Variants in CPAMD8 observed in about 807,000 individuals in gnomAD.
The protein encoded by CPAMD8 is C3 and PZP-like alpha-2-macroglobulin domain-containing protein 8.
Under a neutral mutation model 224.7 loss-of-function variants are expected in CPAMD8, and 146 were observed. The observed-to-expected ratio is 0.65, with a 90% CI of 0.57 to 0.75. The LOEUF (loss-of-function observed/expected upper bound fraction) is 0.75. Ranked by LOEUF, CPAMD8 falls within the 30% of genes least tolerant of loss-of-function variation. The pLI, the probability that CPAMD8 is intolerant of heterozygous loss-of-function variation, is 0.00. For synonymous variants in CPAMD8, 966 were observed against 1,044.6 expected (o/e 0.92, Z 1.45); for missense variants, 2,301 against 2,537.5 (o/e 0.91, Z 2.00).
At position 16,960,143 on chromosome 19, in the gene CPAMD8, T is replaced by C. The variant is rs538583242; in HGVS notation, c.2214-2228A>G. ...CTCTGTTTCCTAAGGAGTGCCTTCATGCATTCTTGTTTGAGCCTCAGAAGC... is the reference window on the plus strand; with the variant it reads ...CTCTGTTTCCTAAGGAGTGCCTTCACGCATTCTTGTTTGAGCCTCAGAAGC... On this transcript the variant is annotated intron_variant, in intron 18 of 41. Coordinates refer to ENST00000443236, the MANE Select transcript of CPAMD8 (RefSeq NM_015692.5). Among the ~76,000 whole-genome samples, 5 of 151,964 alleles carry C rather than the reference T, an allele frequency of 3.3e-5. No homozygotes were observed. The South Asian group carries it at 6.2e-4, about 19-fold the overall frequency.
Position 16,902,778 on chromosome 19 carries a change from C to A in CPAMD8, c.4556G>T (p.Gly1519Val), listed in dbSNP as rs1402424749. 6.3e-7 allele frequency: 1 copy of A among 1,590,438 alleles called. No homozygotes were observed. Among genetic ancestry groups the A allele is most frequent in the Admixed American group, 1.7e-5 (1 of 58,100 alleles). ...GGAGGCAGGCATGGGGGGCGGGCGT[C>A]CCTGGGCCTCAGGCTCCTGGAGGCT... ...LVSLQEPEAQ[G>V]RPPPMPASAA... The change falls in exon 35 of 42, where the codon GGA becomes GTA. Residue 1519 changes from glycine (G) to valine (V), a missense_variant. Around this residue, in one of 4 missense-constraint regions of CPAMD8, gnomAD observed 1,709 missense variants for 1,753.2 expected, o/e 0.97. Transcript: ENST00000443236.
chr19:16,983,371 C>G (rs1410828311), intron 13 of CPAMD8, among the ~76,000 whole-genome samples: 1 of 151,848 alleles, frequency 6.6e-6, no homozygotes, highest in Non-Finnish European at 1.5e-5. Flanking sequence ...TGCACTCCAG[C>G]CTGGGTGACA....
chr19:16,993,735 C>T (rs1340941505), intron 11 of CPAMD8, 149 bp from the exon 12 acceptor site: 11 of 738,226 alleles, frequency 1.5e-5, no homozygotes, highest in African/African-American at 5.3e-5. Flanking sequence ...GGCATCGCAA[C>T]GAGTTCCAAA....
intron 13 of CPAMD8, among the ~76,000 whole-genome samples, chr19:16,983,464 C>T (rs2055588072): frequency 6.6e-6 from 1 of 151,916 alleles, no homozygotes; most frequent in Admixed American, 6.6e-5. Context: ...ATTACCCAGT[C>T]GTGGGTATGT....
intron 3 of CPAMD8, among the ~76,000 whole-genome samples, chr19:17,012,352 T>A (rs1458835114): frequency 6.8e-6 from 1 of 146,594 alleles, no homozygotes; most frequent in Non-Finnish European, 1.5e-5. Flanking sequence ...CTTTCTTTCT[T>A]TTTTTTTTTT....
At chr19:16,973,083 C>G (rs555448238) in intron 17 of CPAMD8, among the ~76,000 whole-genome samples, 1 of 151,950 alleles carries the variant, frequency 6.6e-6, no homozygotes, top group South Asian at 2.1e-4. Context: ...GCAGGAGGAT[C>G]GCTTGAGCCC....
At chr19:16,964,961 A>T (rs1476139799) in intron 18 of CPAMD8, among the ~76,000 whole-genome samples, 1 of 152,120 alleles carries the variant, frequency 6.6e-6, no homozygotes, top group Admixed American at 6.6e-5. Context: ...ATCTCAATAG[A>T]TGCAAAAAAG....
chr19:16,990,863 CAAA>C (rs3067791), intron 12 of CPAMD8, among the ~76,000 whole-genome samples: 6 of 73,140 alleles, frequency 8.2e-5, no homozygotes, highest in African/African-American at 2.4e-4. Context: ...AACTCTGTCT[CAAA>C]AAAAAAAAAA....
At chr19:16,918,747 CTTT>C (rs3029467) in intron 27 of CPAMD8, among the ~76,000 whole-genome samples, 63,038 of 127,034 alleles carry the variant, frequency 0.5, 15,727 homozygotes, top group Non-Finnish European at 0.59. Context: ...CACACCCAGA[CTTT>C]TTTTTTTTTT....
intron 29 of CPAMD8, among the ~76,000 whole-genome samples, chr19:16,907,954 T>A (rs2052587911): frequency 6.6e-6 from 1 of 152,198 alleles, no homozygotes; most frequent in Admixed American, 6.5e-5. Context: ...AAATGAGGTC[T>A]GGCCAGGATG....
chr19:16,951,044 T>C (rs2054283066), intron 20 of CPAMD8, among the ~76,000 whole-genome samples: 1 of 152,156 alleles, frequency 6.6e-6, no homozygotes, highest in African/African-American at 2.4e-5. Context: ...TGCACACCTC[T>C]GGCAGACACT....
At chr19:16,937,066 TTCCTTCCTTCCTTCCTTCCTTCC>T (rs1288364299) in intron 23 of CPAMD8, among the ~76,000 whole-genome samples, 1 of 147,304 alleles carries the variant, frequency 6.8e-6, no homozygotes, top group Non-Finnish European at 1.5e-5. Flanking sequence ...CCCTCCTGCC[TTCCTTCCTTCCTTCCTTCCTTCC>T]TCCTTCCTTC....
At chr19:16,967,081 A>G (rs2054851635) in intron 18 of CPAMD8, among the ~76,000 whole-genome samples, 1 of 152,122 alleles carries the variant, frequency 6.6e-6, no homozygotes, top group African/African-American at 2.4e-5. Flanking sequence ...AAAGACTTGG[A>G]ACCAACCCAA....
intron 15 of CPAMD8, 130 bp downstream of exon 15, chr19:16,977,238 T>C: frequency 1.5e-6 from 1 of 655,986 alleles, no homozygotes; most frequent in Non-Finnish European, 2.7e-6. Context: ...GCAACTCATG[T>C]TCCCATAATT....
chr19:17,025,198 G>A (rs570981575), intron 1 of CPAMD8, among the ~76,000 whole-genome samples: 4 of 152,234 alleles, frequency 2.6e-5, no homozygotes, highest in African/African-American at 9.6e-5. Flanking sequence ...ATCACCTGAG[G>A]TCAGGAGTTC....
chr19:16,906,380 TTC>T (rs1491405214), intron 30 of CPAMD8, among the ~76,000 whole-genome samples: 2 of 76,786 alleles, frequency 2.6e-5, no homozygotes, highest in Admixed American at 1.6e-4. Context: ...CTTTCTTTCT[TTC>T]TTTCTTTCTT....
At chr19:16,929,905 A>C (rs1472440067) in intron 23 of CPAMD8, among the ~76,000 whole-genome samples, 1 of 152,192 alleles carries the variant, frequency 6.6e-6, no homozygotes, top group African/African-American at 2.4e-5. Flanking sequence ...AATCCCAGTC[A>C]AAATCCCAGG....
At chr19:16,896,388 GA>G in intron 40 of CPAMD8, 62 bp from the exon 41 acceptor site, 1 of 1,521,272 alleles carries the variant, frequency 6.6e-7, no homozygotes, top group Non-Finnish European at 8.8e-7. Flanking sequence ...GGGCCGAGGG[GA>G]GGAGATCCGT....
At chr19:16,941,307 TAAAGAA>T (rs2122181903) in intron 22 of CPAMD8, among the ~76,000 whole-genome samples, 1 of 152,238 alleles carries the variant, frequency 6.6e-6, no homozygotes, top group South Asian at 2.1e-4. Flanking sequence ...GGTGAACAGA[TAAAGAA>T]AATGTGGTTC....
Sources: gnomAD v4.1 joint callset for allele counts (sites outside exome capture counted in the v4.1 genomes callset) on GRCh38, gnomAD v4.1.1 for gene constraint, gnomAD v4.1.1 regional missense constraint, MANE v1.5 for transcripts, NCBI Gene and HGNC (gene_info 2026-07-23, HGNC 2026-07-21) for gene names.